The following NKAIN3 variants were observed in gnomAD, a reference collection of about 807,000 sequenced individuals.
NKAIN3 encodes sodium/potassium-transporting ATPase subunit beta-1-interacting protein 3.
Under a neutral mutation model 30.2 loss-of-function variants are expected in NKAIN3, and 25 were observed. That is an observed-to-expected ratio of 0.83 (90% CI 0.60 to 1.16). The LOEUF is 1.16. NKAIN3 is among the 50% of genes most tolerant of loss of function. NKAIN3 has a pLI of 0.00. For missense variants in NKAIN3, 225 were observed against 254.1 expected (o/e 0.89, Z 0.78); for synonymous variants, 91 against 89.6 (o/e 1.02, Z -0.09).
At chr8:62,928,385 T>C (rs903553577) in intron 5 of NKAIN3, among the ~76,000 whole-genome samples, 1 of 152,218 alleles carries the variant, frequency 6.6e-6, no homozygotes, top group Non-Finnish European at 1.5e-5. Context: ...ATATTAAAGT[T>C]AGTGGTATTT....
At chr8:62,699,643 C>G (rs997714879) in intron 3 of NKAIN3, among the ~76,000 whole-genome samples, 11 of 152,152 alleles carry the variant, frequency 7.2e-5, no homozygotes, top group African/African-American at 2.2e-4. Context: ...CATGCTTGTC[C>G]TATCCTTTGG....
At chr8:62,401,706 T>A (rs1348700389) in intron 1 of NKAIN3, among the ~76,000 whole-genome samples, 1 of 152,188 alleles carries the variant, frequency 6.6e-6, no homozygotes, top group East Asian at 1.9e-4. Flanking sequence ...GCCTTTGTGG[T>A]CTTGGATAAA....
chr8:62,262,127 T>A (rs1362836016), intron 1 of NKAIN3, among the ~76,000 whole-genome samples: 2 of 152,160 alleles, frequency 1.3e-5, no homozygotes, highest in Non-Finnish European at 2.9e-5. Flanking sequence ...AATGTGATTT[T>A]AAAAATGTAA....
chr8:62,821,212 T>A (rs2130731006), intron 4 of NKAIN3, among the ~76,000 whole-genome samples: 1 of 152,228 alleles, frequency 6.6e-6, no homozygotes, highest in South Asian at 2.1e-4. Flanking sequence ...CTCAGATATC[T>A]CCCTGCCAAA....
intron 6 of NKAIN3, among the ~76,000 whole-genome samples, chr8:62,955,681 G>C (rs367785543): frequency 6.6e-6 from 1 of 152,262 alleles, no homozygotes; most frequent in South Asian, 2.1e-4. Flanking sequence ...AAAACTTGAC[G>C]CCCATGTACC....
chr8:62,787,842 C>G (rs1817572907), intron 4 of NKAIN3, among the ~76,000 whole-genome samples: 1 of 151,894 alleles, frequency 6.6e-6, no homozygotes, highest in South Asian at 2.1e-4. Flanking sequence ...ATCCATGTCC[C>G]TACAAAGGAT....
At chr8:62,911,737 G>T (rs1821930000) in intron 4 of NKAIN3, among the ~76,000 whole-genome samples, 1 of 152,010 alleles carries the variant, frequency 6.6e-6, no homozygotes. Flanking sequence ...CAAGCTAAAG[G>T]ATCATCTTTG....
chr8:62,990,359 T>A, intron 5 of NKAIN3: 1 of 1,290,368 alleles, frequency 7.7e-7, no homozygotes, highest in African/African-American at 1.5e-5. Flanking sequence ...TCCTAATCTT[T>A]CTAGTGCAGT....
In NKAIN3 at chr8:62,642,050, G is replaced by A. The variant is rs138590670; in HGVS notation, c.273+52256G>A. On this transcript the variant is annotated intron_variant, in intron 3 of 6. Coordinates refer to ENST00000623646, the MANE Select transcript of NKAIN3 (RefSeq NM_001304533.3). ...ATGAAACAAATCAGACCATGCAACC[G>A]CACTGCACTCCTGGGAAAAATGCTT... is the stretch of plus-strand genomic sequence containing the variant. Among the ~76,000 whole-genome samples, 674 of 152,108 alleles carry A rather than the reference G, an allele frequency of 4.4e-3. 4 individuals are homozygous for A. The highest frequency in any genetic ancestry group is 0.01 in the Middle Eastern group (3 of 294).
Position 62,358,564 on chromosome 8 carries a change from G to A in NKAIN3, c.54+109437G>A, listed in dbSNP as rs143474201. ...ATATGAGTAATAGAATGTGTAATTT[G>A]TAAGAGATGGGCACTGCTGAAGCCA... On this transcript the variant is annotated intron_variant, in intron 1 of 6. Coordinates refer to ENST00000623646, the MANE Select transcript of NKAIN3 (RefSeq NM_001304533.3). Among the ~76,000 whole-genome samples the A allele has an allele frequency of 4.0e-3, 610 of 152,222 alleles. 6 individuals are homozygous for A. Among genetic ancestry groups the A allele is most frequent in the African/African-American group, 0.014 (572 of 41,536 alleles).
chr8:62,764,533 A>G (rs1286986270), intron 4 of NKAIN3, among the ~76,000 whole-genome samples: 2 of 151,922 alleles, frequency 1.3e-5, no homozygotes, highest in African/African-American at 4.8e-5. Flanking sequence ...TGGCATGATT[A>G]TAGTCACTCC....
chr8:62,286,164 T>G (rs1360619173), intron 1 of NKAIN3, among the ~76,000 whole-genome samples: 3 of 152,166 alleles, frequency 2.0e-5, no homozygotes, highest in South Asian at 2.1e-4. Context: ...CAGAATATTA[T>G]CATTGGGCCA....
At chr8:62,392,561 G>A (rs1437208745) in intron 1 of NKAIN3, among the ~76,000 whole-genome samples, 2 of 151,862 alleles carry the variant, frequency 1.3e-5, no homozygotes, top group African/African-American at 4.8e-5. Flanking sequence ...ACTTCATTAT[G>A]CAAAGAAAAG....
chr8:62,815,506 A>G (rs891136355), intron 4 of NKAIN3, among the ~76,000 whole-genome samples: 19 of 152,178 alleles, frequency 1.2e-4, no homozygotes, highest in Non-Finnish European at 2.6e-4. Context: ...GCAGCACATT[A>G]AAAAGCTTAT....
At chr8:62,574,653 G>A (rs1386474454) in intron 1 of NKAIN3, among the ~76,000 whole-genome samples, 3 of 151,992 alleles carry the variant, frequency 2.0e-5, no homozygotes, top group Non-Finnish European at 4.4e-5. Context: ...AATGATTTAC[G>A]TTTCCACCAA....
At chr8:62,538,826 C>T (rs555842186) in intron 1 of NKAIN3, among the ~76,000 whole-genome samples, 50 of 152,134 alleles carry the variant, frequency 3.3e-4, no homozygotes, top group Non-Finnish European at 6.8e-4. Context: ...ACTACTTTTT[C>T]TAATTTTGAG....
chr8:62,358,722 G>A (rs989370081), intron 1 of NKAIN3, among the ~76,000 whole-genome samples: 1 of 152,116 alleles, frequency 6.6e-6, no homozygotes, highest in African/African-American at 2.4e-5. Flanking sequence ...AATTGCTTGT[G>A]TAAGTGGCTC....
intron 3 of NKAIN3, among the ~76,000 whole-genome samples, chr8:62,683,070 G>T (rs1439680742): frequency 6.6e-6 from 1 of 152,096 alleles, no homozygotes; most frequent in Non-Finnish European, 1.5e-5. Context: ...GTCTAGCTCT[G>T]TTGCCCAGGC....
chr8:62,529,666 C>T (rs1319364171), intron 1 of NKAIN3, among the ~76,000 whole-genome samples: 3 of 152,108 alleles, frequency 2.0e-5, no homozygotes, highest in Non-Finnish European at 4.4e-5. Flanking sequence ...TCTTGGACAG[C>T]TCAGCCTCCA....
Sources: allele counts gnomAD v4.1 joint callset (sites outside exome capture counted in the v4.1 genomes callset), GRCh38; gene constraint gnomAD v4.1.1; transcripts MANE v1.5; gene names NCBI Gene and HGNC (gene_info 2026-07-23, HGNC 2026-07-21).